RBFOX1: variants seen among roughly 807,000 people sequenced by gnomAD.
RBFOX1 encodes RNA binding fox-1 homolog 1.
RBFOX1 carries 8 observed loss-of-function variants against 57.7 expected under a neutral mutation model. The observed-to-expected ratio is 0.14, with a 90% CI of 0.08 to 0.25. The LOEUF (loss-of-function observed/expected upper bound fraction) is 0.25. RBFOX1 is among the 10% of genes least tolerant of loss of function. The pLI is 1.00. For missense variants in RBFOX1, 611 were observed against 548.5 expected, an observed-to-expected ratio of 1.11 and a Z score of -1.14; for synonymous variants, 326 against 222.4, an observed-to-expected ratio of 1.47 and a Z score of -4.15.
At chr16:7,065,513 T>A (rs2346256) in intron 4 of RBFOX1, among the ~76,000 whole-genome samples, 102,666 of 151,772 alleles carry the variant, frequency 0.68, 35,133 homozygotes, top group South Asian at 0.74. Flanking sequence ...CCCTTTTTAA[T>A]ACCATTTTTC....
chr16:6,296,272 A>G (rs1408758809), intron 1 of RBFOX1, among the ~76,000 whole-genome samples: 1 of 152,182 alleles, frequency 6.6e-6, no homozygotes, highest in Non-Finnish European at 1.5e-5. Flanking sequence ...AAGGGGATAA[A>G]CATTTGGCTC....
chr16:7,037,530 C>T (rs1328187045), intron 3 of RBFOX1, among the ~76,000 whole-genome samples: 3 of 152,136 alleles, frequency 2.0e-5, no homozygotes, highest in Non-Finnish European at 4.4e-5. Flanking sequence ...AGTCCACTGT[C>T]AACTTATGAA....
intron 2 of RBFOX1, among the ~76,000 whole-genome samples, chr16:5,524,004 C>G (rs1009030729): frequency 1.3e-5 from 2 of 152,214 alleles, no homozygotes; most frequent in Non-Finnish European, 2.9e-5. Flanking sequence ...AAACATACCA[C>G]TCATTCAAAG....
chr16:5,596,709 G>A (rs1436246451), intron 2 of RBFOX1, among the ~76,000 whole-genome samples: 1 of 152,184 alleles, frequency 6.6e-6, no homozygotes, highest in Non-Finnish European at 1.5e-5. Context: ...TCTATAAAGT[G>A]GGACTGAAAA....
intron 4 of RBFOX1, among the ~76,000 whole-genome samples, chr16:5,892,337 A>C (rs2058063340): frequency 6.6e-6 from 1 of 152,130 alleles, no homozygotes; most frequent in African/African-American, 2.4e-5. Flanking sequence ...GCTGTCAGAG[A>C]AGATCTGGGT....
chr16:6,393,776 G>A (rs1025967323), intron 2 of RBFOX1, among the ~76,000 whole-genome samples: 1 of 152,144 alleles, frequency 6.6e-6, no homozygotes, highest in East Asian at 1.9e-4. Context: ...TATGTTAGAG[G>A]TCCAAATGTT....
chr16:6,477,576 G>A (rs2095293160), intron 2 of RBFOX1, among the ~76,000 whole-genome samples: 1 of 152,132 alleles, frequency 6.6e-6, no homozygotes, highest in South Asian at 2.1e-4. Flanking sequence ...CTAGAGCATA[G>A]GCAGAGTAGA....
intron 4 of RBFOX1, among the ~76,000 whole-genome samples, chr16:7,308,200 C>T (rs1309703487): frequency 6.6e-6 from 1 of 151,942 alleles, no homozygotes; most frequent in Non-Finnish European, 1.5e-5. Flanking sequence ...AACCTTATAG[C>T]ACCCATCTCA....
At chr16:5,864,513 G>A (rs1217453441) in intron 3 of RBFOX1, among the ~76,000 whole-genome samples, 1 of 149,434 alleles carries the variant, frequency 6.7e-6, no homozygotes, top group African/African-American at 2.5e-5. Context: ...TGTGTGTGTG[G>A]TGAGGGAGAG....
At chr16:7,138,255 G>A (rs988226546) in intron 4 of RBFOX1, among the ~76,000 whole-genome samples, 1 of 152,076 alleles carries the variant, frequency 6.6e-6, no homozygotes, top group African/African-American at 2.4e-5. Context: ...TTGCTGAGAG[G>A]GTGCAGATAT....
intron 1 of RBFOX1, among the ~76,000 whole-genome samples, chr16:5,297,409 C>G (rs1196071535): frequency 1.3e-5 from 2 of 152,172 alleles, no homozygotes; most frequent in African/African-American, 2.4e-5. Context: ...CACTTGTTAT[C>G]TTTCATCTTT....
At chr16:6,767,947 T>TAATAATAATAATAATAATAAGAAG (rs1410744665) in intron 3 of RBFOX1, among the ~76,000 whole-genome samples, 5 of 101,044 alleles carry the variant, frequency 4.9e-5, no homozygotes, top group African/African-American at 2.1e-4. Flanking sequence ...ATAATAATAA[T>TAATAATAATAATAATAATAAGAAG]AAGAAGAAGA....
At chr16:7,244,514 G>A (rs1046655978) in intron 4 of RBFOX1, among the ~76,000 whole-genome samples, 1 of 152,058 alleles carries the variant, frequency 6.6e-6, no homozygotes, top group African/African-American at 2.4e-5. Context: ...TGTATTTTTG[G>A]CATGCTTCCA....
intron 2 of RBFOX1, among the ~76,000 whole-genome samples, chr16:6,594,973 G>A (rs1248813835): frequency 1.3e-5 from 2 of 152,032 alleles, no homozygotes; most frequent in Admixed American, 6.6e-5. Flanking sequence ...GTTTATAGCA[G>A]AGACAAGGTT....
intron 1 of RBFOX1, among the ~76,000 whole-genome samples, chr16:6,304,102 G>A (rs191600752): frequency 1.7e-4 from 26 of 151,600 alleles, no homozygotes; most frequent in East Asian, 1.6e-3. Context: ...GAGCCACTGC[G>A]CCCAGCCCAA....
intron 3 of RBFOX1, among the ~76,000 whole-genome samples, chr16:5,848,885 G>A (rs2151860507): frequency 6.6e-6 from 1 of 152,144 alleles, no homozygotes; most frequent in East Asian, 1.9e-4. Context: ...GGAGGCAGAG[G>A]TTGCAGTGAG....
intron 2 of RBFOX1, among the ~76,000 whole-genome samples, chr16:6,459,730 A>G (rs2094865041): frequency 6.6e-6 from 1 of 151,908 alleles, no homozygotes; most frequent in Non-Finnish European, 1.5e-5. Flanking sequence ...TAATCCCAGC[A>G]CTTTGGGAGG....
At chr16:6,977,496 C>T (rs548607105) in intron 3 of RBFOX1, among the ~76,000 whole-genome samples, 1 of 152,004 alleles carries the variant, frequency 6.6e-6, no homozygotes, top group Non-Finnish European at 1.5e-5. Flanking sequence ...CCAGCAAGTC[C>T]CAGCCTCATT....
At chr16:7,546,358 TAA>T (rs1467336402) in intron 5 of RBFOX1, among the ~76,000 whole-genome samples, 1 of 117,238 alleles carries the variant, frequency 8.5e-6, no homozygotes, top group African/African-American at 3.1e-5. Context: ...TAAAATAAAA[TAA>T]AATAAAATAA....
Sources: gnomAD v4.1 joint callset for allele counts (sites outside exome capture counted in the v4.1 genomes callset) on GRCh38, gnomAD v4.1.1 for gene constraint, MANE v1.5 for transcripts, NCBI Gene and HGNC (gene_info 2026-07-23, HGNC 2026-07-21) for gene names.